GRK7: variants seen among roughly 807,000 people sequenced by gnomAD.
GRK7 encodes G protein-coupled receptor kinase 7, also known as rhodopsin kinase GRK7.
GRK7 carries 24 observed loss-of-function variants against 34.1 expected under a neutral mutation model. That is an observed-to-expected ratio of 0.70 (90% CI 0.51 to 0.99). GRK7 has a LOEUF of 0.99. Ranked by LOEUF, GRK7 falls within the 50% of genes least tolerant of loss-of-function variation. GRK7 has a pLI of 0.00. For missense variants in GRK7, 644 were observed against 707.3 expected (o/e 0.91, Z 1.02); for synonymous variants, 256 against 279.4 (o/e 0.92, Z 0.84).
In GRK7 at chr3:141,816,750, T is replaced by C; in HGVS notation, c.1362T>C (p.Phe454=). 1.3e-6 allele frequency: 2 copies of C among 1,552,196 alleles called. No individual in the cohort carries two copies. Among genetic ancestry groups the C allele is most frequent in the Non-Finnish European group, 1.7e-6 (2 of 1,150,054 alleles). Residue 454 remains phenylalanine, a synonymous_variant, in exon 6 of 6, where the codon TTT becomes TTC. Coordinates refer to ENST00000682958, the MANE Select transcript of GRK7 (RefSeq NM_139209.3). ...KSDDPRKHHF[F]KTINFPRLEA... ...ATGATCCCAGGAAACATCATTTCTT[T>C]AAAACGATCAACTTTCCTCGCCTGG...
rs542903850 is a variant in GRK7, at chr3:141,771,502, A to C, written c.-214-3078A>C. On this transcript the variant is annotated intron_variant, in intron 1 of 5. Coordinates refer to ENST00000682958, the MANE Select transcript of GRK7 (RefSeq NM_139209.3). Reference sequence around the variant, plus strand: ...GGGTAAGGGATAAGAAATTACTTAGAGAGTAGAATAATAAACACTAAAGTC... The same window carrying C: ...GGGTAAGGGATAAGAAATTACTTAGCGAGTAGAATAATAAACACTAAAGTC... Among the ~76,000 whole-genome samples, 79 of 135,608 alleles carry C rather than the reference A, an allele frequency of 5.8e-4. 1 individual carries two copies. The highest frequency in any genetic ancestry group is 2.2e-4 in the Non-Finnish European group (14 of 63,270). The allele number at this position is 135,608 out of a possible 152,430, so 89.0% of individuals were successfully genotyped here. A position where few individuals can be genotyped will look rare whatever the true frequency, so the allele number is the denominator to read the frequency against.
intron 1 of GRK7, among the ~76,000 whole-genome samples, chr3:141,769,251 A>G (rs1465125672): frequency 6.6e-6 from 1 of 151,914 alleles, no homozygotes; most frequent in East Asian, 1.9e-4. Flanking sequence ...CTAAGCCTGG[A>G]TTCACCCCTT....
rs144130009 is a variant in GRK7, at chr3:141,816,925, G to C, written c.1537G>C (p.Val513Leu). The C allele has an allele frequency of 6.8e-6, 11 of 1,614,008 alleles. No individual in the cohort carries two copies. The highest frequency in any genetic ancestry group is 1.3e-5 in the African/African-American group (1 of 74,910). ...CTTCAAAAACTTTGCGACAGGTGCT[G>C]TTCCTATAGCATGGCAGGAAGAAAT... ...QFFKNFATGAVPIAWQEEIIE... is the reference protein window; with the variant it reads ...QFFKNFATGALPIAWQEEIIE... Residue 513 changes from valine (V) to leucine (L), a missense_variant, in exon 6 of 6, where the codon GTT becomes CTT. Coordinates refer to ENST00000682958, the MANE Select transcript of GRK7 (RefSeq NM_139209.3).
chr3:141,782,017 G>A (rs957473349), intron 4 of GRK7, among the ~76,000 whole-genome samples: 5 of 152,192 alleles, frequency 3.3e-5, no homozygotes, highest in African/African-American at 9.7e-5. Context: ...AACTGCTGTG[G>A]TGATTTTATG....
chr3:141,765,711 C>G lies in GRK7; in HGVS notation c.-242C>G, dbSNP rs765468848. On this transcript the variant is annotated 5_prime_UTR_variant, in exon 1 of 6. Transcript: ENST00000682958. ...GCTCAGCCACCCACCGATCCCCCAG[C>G]TGAATGCAACCATAAGAGTGAGTCC... 3.3e-5 allele frequency among the ~76,000 whole-genome samples: 5 copies of G among 152,152 alleles called. No individual in the cohort carries two copies. The highest frequency in any genetic ancestry group is 7.3e-5 in the Non-Finnish European group (5 of 68,034).
chr3:141,793,385 C>G (rs1269848948), intron 4 of GRK7, among the ~76,000 whole-genome samples: 1 of 152,226 alleles, frequency 6.6e-6, no homozygotes, highest in Non-Finnish European at 1.5e-5. Context: ...CAGCTCGCAT[C>G]TGCTGCAGAA....
At chr3:141,781,361 AC>A (rs2107879129) in intron 4 of GRK7, among the ~76,000 whole-genome samples, 1 of 152,086 alleles carries the variant, frequency 6.6e-6, no homozygotes, top group East Asian at 1.9e-4. Context: ...ACATGGTGAA[AC>A]CCCATCTCTA....
chr3:141,808,907 G>T (rs1335246628), intron 5 of GRK7, among the ~76,000 whole-genome samples: 1 of 152,070 alleles, frequency 6.6e-6, no homozygotes, highest in African/African-American at 2.4e-5. Flanking sequence ...AACAGGCTGG[G>T]CACAGTGGCT....
At chr3:141,792,567 ACTAGAAGG>A (rs1229238854) in intron 4 of GRK7, among the ~76,000 whole-genome samples, 1 of 152,222 alleles carries the variant, frequency 6.6e-6, no homozygotes, top group Non-Finnish European at 1.5e-5. Context: ...CTTACATGAT[ACTAGAAGG>A]AAAGGAATTC....
chr3:141,797,335 G>A (rs1415837273), intron 4 of GRK7, among the ~76,000 whole-genome samples: 1 of 152,186 alleles, frequency 6.6e-6, no homozygotes, highest in Non-Finnish European at 1.5e-5. Flanking sequence ...GCGGCCTGGG[G>A]CCGAGCATGC....
intron 2 of GRK7, among the ~76,000 whole-genome samples, chr3:141,777,394 G>A (rs545285122): frequency 7.8e-6 from 1 of 127,696 alleles, no homozygotes; most frequent in East Asian, 2.3e-4. Context: ...GCGCAATCTC[G>A]GCTCACTGCA....
intron 4 of GRK7, among the ~76,000 whole-genome samples, chr3:141,801,103 G>A (rs549179793): frequency 2.0e-5 from 3 of 152,020 alleles, no homozygotes; most frequent in African/African-American, 7.2e-5. Context: ...AAGGTCCTGA[G>A]ATCGAGACCA....
chr3:141,773,491 TTTA>T (rs2107873766), intron 1 of GRK7, among the ~76,000 whole-genome samples: 1 of 152,298 alleles, frequency 6.6e-6, no homozygotes, highest in Non-Finnish European at 1.5e-5. Flanking sequence ...ATGGTCATGA[TTTA>T]TTATGATGAT....
the GRK7 span, among the ~76,000 whole-genome samples, chr3:141,755,330 C>T: frequency 6.6e-6 from 1 of 152,124 alleles, no homozygotes. Flanking sequence ...TAGGGAGACC[C>T]TGTCCCCACC....
chr3:141,810,612 G>T (rs182070086), intron 5 of GRK7, among the ~76,000 whole-genome samples: 3 of 152,236 alleles, frequency 2.0e-5, no homozygotes, highest in Admixed American at 6.5e-5. Context: ...AGCCTCCCAG[G>T]TTCAAGCAAT....
intron 4 of GRK7, among the ~76,000 whole-genome samples, chr3:141,785,346 G>T (rs1234964346): frequency 2.0e-5 from 3 of 152,222 alleles, no homozygotes; most frequent in Non-Finnish European, 4.4e-5. Flanking sequence ...TCACGGACAA[G>T]ACCTCTGTTA....
At position 141,763,515 on chromosome 3, in the gene GRK7, C is replaced by G. The variant is rs1351631251; in HGVS notation, c.-2438C>G. Among the ~76,000 whole-genome samples, 1 of 152,144 alleles carries G rather than the reference C, an allele frequency of 6.6e-6. No homozygotes were observed. Among genetic ancestry groups the G allele is most frequent in the African/African-American group, 2.4e-5 (1 of 41,434 alleles). On this transcript the variant is annotated 5_prime_UTR_variant, in exon 1 of 6. Coordinates refer to ENST00000682958, the MANE Select transcript of GRK7 (RefSeq NM_139209.3). ...CACCTTCACAGACGAGGAACCAGGG[C>G]CCCAGTGCTGTGCCTAAGACCTCCT...
intron 2 of GRK7, among the ~76,000 whole-genome samples, chr3:141,777,491 AT>A (rs530806848): frequency 1.0e-3 from 81 of 80,544 alleles, no homozygotes; most frequent in Admixed American, 2.0e-3. Context: ...AGCCCGGCTA[AT>A]TTTTTTTTTT....
Position 141,780,512 on chromosome 3 carries a change from A to G in GRK7, c.751A>G (p.Ile251Val). Residue 251 changes from isoleucine (I) to valine (V), a missense_variant, in exon 4 of 6, where the codon ATT becomes GTT. By Grantham distance (29) the Ile-to-Val change is conservative (BLOSUM62 3). Transcript: ENST00000682958. ...EILEKVSSPFIVSLAYAFESK... is the reference protein window; with the variant it reads ...EILEKVSSPFVVSLAYAFESK... ...CTTGGAGAAGGTCAGCAGCCCTTTC[A>G]TTGTCTCTCTGGCCTATGCCTTTGA... The G allele has an allele frequency of 6.2e-7, 1 of 1,614,208 alleles. No homozygotes were observed. The highest frequency in any genetic ancestry group is 8.5e-7 in the Non-Finnish European group (1 of 1,180,042).
Sources: gnomAD v4.1 joint callset for allele counts (sites outside exome capture counted in the v4.1 genomes callset) on GRCh38, gnomAD v4.1.1 for gene constraint, MANE v1.5 for transcripts, NCBI Gene and HGNC (gene_info 2026-07-23, HGNC 2026-07-21) for gene names.